Variants in RLF observed in about 807,000 individuals in gnomAD.
The protein encoded by RLF is RLF zinc finger, also known as zinc finger protein Rlf.
RLF carries 7 observed loss-of-function variants against 162.9 expected under a neutral mutation model. The ratio of observed to expected loss-of-function variants is 0.04; its 90% CI spans 0.02 to 0.08. RLF has a LOEUF of 0.08. Among genes scored for constraint, RLF ranks in the 10% least tolerant of loss-of-function variants. RLF has a pLI of 1.00. For missense variants in RLF, 1,664 were observed against 2,244.7 expected (o/e 0.74, Z 5.23); for synonymous variants, 782 against 791.5 (o/e 0.99, Z 0.20).
At chr1:40,177,476 G>A (rs1013150912) in intron 1 of RLF, among the ~76,000 whole-genome samples, 2 of 151,676 alleles carry the variant, frequency 1.3e-5, no homozygotes, top group African/African-American at 4.8e-5. Context: ...TGTATTTTTA[G>A]TAGAGACGGG....
rs572741463 is a variant in RLF, at chr1:40,213,833, A to G, written c.811-8741A>G. 7.2e-5 allele frequency among the ~76,000 whole-genome samples: 11 copies of G among 152,400 alleles called. No individual in the cohort carries two copies. The South Asian group carries it at 2.3e-3, about 32-fold the overall frequency. ...ACCACTATTCTAGAGAAAGGTAATG[A>G]TAAAATATTAATGGCACTGGCCGGA... On this transcript the variant is annotated intron_variant, in intron 5 of 7. Transcript: ENST00000372771.
intron 5 of RLF, among the ~76,000 whole-genome samples, chr1:40,204,377 A>C (rs1047545852): frequency 6.6e-6 from 1 of 151,494 alleles, no homozygotes; most frequent in African/African-American, 2.4e-5. Context: ...CTAAATCTTC[A>C]CCTACTCTAT....
intron 3 of RLF, among the ~76,000 whole-genome samples, chr1:40,193,932 G>C (rs1212532911): frequency 1.3e-5 from 2 of 152,086 alleles, no homozygotes; most frequent in Non-Finnish European, 2.9e-5. Flanking sequence ...GTAAATGGAA[G>C]CTTATGTTCC....
chr1:40,182,319 A>G (rs939017105), intron 1 of RLF, among the ~76,000 whole-genome samples: 6 of 152,176 alleles, frequency 3.9e-5, no homozygotes, highest in Non-Finnish European at 1.5e-5. Context: ...CTGTAATCCC[A>G]GCTACTTAGG....
chr1:40,225,928 T>C (rs2124556424), intron 6 of RLF, among the ~76,000 whole-genome samples: 1 of 131,176 alleles, frequency 7.6e-6, no homozygotes, highest in Middle Eastern at 4.1e-3. Flanking sequence ...GGTACGCACC[T>C]ATAATCCCAG....
In RLF at chr1:40,239,266, A is replaced by C; in HGVS notation, c.4564A>C (p.Lys1522Gln). 6.2e-7 allele frequency: 1 copy of C among 1,614,152 alleles called. No individual in the cohort carries two copies. Among genetic ancestry groups the C allele is most frequent in the Non-Finnish European group, 8.5e-7 (1 of 1,180,020 alleles). ...NAKSKKCGLI[K>Q]EKKAPISFKT... Reference sequence around the variant, plus strand: ...TAAGTCTAAAAAATGTGGCTTAATCAAAGAAAAGAAAGCCCCAATAAGTTT... The same window carrying C: ...TAAGTCTAAAAAATGTGGCTTAATCCAAGAAAAGAAAGCCCCAATAAGTTT... Residue 1522 changes from lysine to glutamine, a missense_variant, in exon 8 of 8, where the codon AAA becomes CAA. Physicochemically the swap from Lys to Gln is moderately conservative, Grantham distance 53. This residue lies in a region of RLF where 200 missense variants were observed against 207.3 expected (regional missense o/e 0.96). Coordinates refer to ENST00000372771, the MANE Select transcript of RLF (RefSeq NM_012421.4).
Position 40,161,775 on chromosome 1 carries a change from C to T in RLF, c.237+139C>T, listed in dbSNP as rs1642088823. On this transcript the variant is annotated intron_variant, in intron 1 of 7. Coordinates refer to ENST00000372771, the MANE Select transcript of RLF (RefSeq NM_012421.4). This position sits in a 1 kb window ranked among gnomAD's most constrained non-coding sequence, Gnocchi z 4.4. ...GCCGCGCCCCCGGGCCGGGAAGGCC[C>T]AGCTCGGAAGCTCGACCGCTGGCCC... The T allele has an allele frequency of 2.4e-6, 3 of 1,273,084 alleles. No homozygotes were observed. Among genetic ancestry groups the T allele is most frequent in the Non-Finnish European group, 3.2e-6 (3 of 944,206 alleles). The allele number at this position is 1,273,084 out of a possible 1,614,324, so 78.9% of individuals were successfully genotyped here. A position where few individuals can be genotyped will look rare whatever the true frequency, so the allele number is the denominator to read the frequency against.
chr1:40,183,465 G>T (rs1324211017), intron 1 of RLF, among the ~76,000 whole-genome samples: 1 of 152,140 alleles, frequency 6.6e-6, no homozygotes, highest in East Asian at 1.9e-4. Flanking sequence ...TTCCCCAGAA[G>T]CATTCACTTT....
At chr1:40,186,140 A>G (rs1288528311) in intron 1 of RLF, among the ~76,000 whole-genome samples, 2 of 150,398 alleles carry the variant, frequency 1.3e-5, no homozygotes, top group Non-Finnish European at 2.9e-5. Context: ...CCTGGGTGAC[A>G]GAGTGAGACT....
Position 40,240,590 on chromosome 1 carries a change from G to A in RLF, c.*143G>A. On this transcript the variant is annotated 3_prime_UTR_variant, in exon 8 of 8. Transcript: ENST00000372771. ...ATTTACATGAATGTATAATATCTAT[G>A]TCAGCAGTATTGGCTGAGTCCATTA... 3.2e-6 allele frequency: 2 copies of A among 631,120 alleles called. No homozygotes were observed. The highest frequency in any genetic ancestry group is 6.0e-5 in the Admixed American group (2 of 33,152). The allele number at this position is 631,120 out of a possible 1,614,324, so 39.1% of individuals were successfully genotyped here.
chr1:40,170,778 G>A (rs2124524887), intron 1 of RLF, among the ~76,000 whole-genome samples: 1 of 152,272 alleles, frequency 6.6e-6, no homozygotes, highest in East Asian at 1.9e-4. Context: ...ATAATTTGGG[G>A]AAAGTAGAGA....
intron 6 of RLF, among the ~76,000 whole-genome samples, chr1:40,228,689 G>A (rs915107685): frequency 2.6e-5 from 4 of 151,482 alleles, no homozygotes; most frequent in African/African-American, 2.4e-5. Context: ...TGGCAAAATC[G>A]AAGCTCGCTG....
Position 40,236,878 on chromosome 1 carries a change from G to C in RLF, c.2176G>C (p.Ala726Pro), listed in dbSNP as rs1283232022. ...TTACTGTCGACGACATTTTATGTCTGCTTTTCACCTTCGAGAGCACGAACA... is the reference window on the plus strand; with the variant it reads ...TTACTGTCGACGACATTTTATGTCTCCTTTTCACCTTCGAGAGCACGAACA... ...CTYCRRHFMS[A>P]FHLREHEQVH... Residue 726 changes from alanine (A) to proline (P), a missense_variant, in exon 8 of 8, where the codon GCT (alanine) becomes CCT (proline). By Grantham distance (27) the Ala-to-Pro change is conservative. Coordinates refer to ENST00000372771, the MANE Select transcript of RLF (RefSeq NM_012421.4). This position sits in a 1 kb window ranked among gnomAD's most constrained non-coding sequence, Gnocchi z 7.7. 2.5e-6 allele frequency: 4 copies of C among 1,614,036 alleles called. No individual in the cohort carries two copies. The African/African-American group carries it at 5.3e-5, about 22-fold the overall frequency.
chr1:40,161,492 G>C lies in RLF; in HGVS notation c.93G>C (p.Glu31Asp), dbSNP rs1259536558. Reference protein sequence around the residue: ...VAGAGDGVETESMVRGHRPVS... With the variant: ...VAGAGDGVETDSMVRGHRPVS... ...GAGCCGGAGATGGAGTCGAGACTGA[G>C]TCCATGGTTCGGGGTCATCGCCCCG... Residue 31 changes from glutamate to aspartate, a missense_variant, in exon 1 of 8, where the codon GAG becomes GAC. By Grantham distance (45) the Glu-to-Asp change is conservative. Coordinates refer to ENST00000372771, the MANE Select transcript of RLF (RefSeq NM_012421.4). This position sits in a 1 kb window ranked among gnomAD's most constrained non-coding sequence, Gnocchi z 4.4. The C allele has an allele frequency of 2.4e-5, 39 of 1,600,846 alleles. No individual in the cohort carries two copies. The highest frequency in any genetic ancestry group is 3.3e-5 in the Non-Finnish European group (39 of 1,174,654).
chr1:40,227,781 G>T (rs952327468), intron 6 of RLF, among the ~76,000 whole-genome samples: 10 of 152,120 alleles, frequency 6.6e-5, no homozygotes, highest in Non-Finnish European at 8.8e-5. Context: ...AGGGCAGGTG[G>T]ATCATGAGTT....
In RLF at chr1:40,161,726, T is replaced by G; in HGVS notation, c.237+90T>G. The stretch of plus-strand genomic sequence containing the variant: ...CCTCTGTAAGCAGCCGGGTCCAAAC[T>G]GAAAGGCGCCACCTCCGTGACTCGC... On this transcript the variant is annotated intron_variant, in intron 1 of 7. Transcript: ENST00000372771. The surrounding 1 kb of genome is among the most constrained non-coding windows in gnomAD (Gnocchi z 4.4). 6.6e-7 allele frequency: 1 copy of G among 1,508,442 alleles called. No homozygotes were observed. The highest frequency in any genetic ancestry group is 8.8e-7 in the Non-Finnish European group (1 of 1,137,356). The allele number at this position is 1,508,442 out of a possible 1,614,324, so 93.4% of individuals were successfully genotyped here. A position where few individuals can be genotyped will look rare whatever the true frequency, so the allele number is the denominator to read the frequency against.
chr1:40,165,197 C>G (rs2124521859), intron 1 of RLF, among the ~76,000 whole-genome samples: 1 of 152,316 alleles, frequency 6.6e-6, no homozygotes, highest in East Asian at 1.9e-4. Context: ...TTGGTCTCAG[C>G]ATGCTTTTCA....
At chr1:40,216,246 G>C (rs1276995919) in intron 5 of RLF, among the ~76,000 whole-genome samples, 1 of 152,150 alleles carries the variant, frequency 6.6e-6, no homozygotes, top group Non-Finnish European at 1.5e-5. Flanking sequence ...GCTTTGGGAG[G>C]CCAAGGCGGA....
At position 40,227,110 on chromosome 1, in the gene RLF, C is replaced by A. The variant is rs1312927241; in HGVS notation, c.947+4400C>A. Among the ~76,000 whole-genome samples the A allele has an allele frequency of 3.3e-5, 5 of 152,174 alleles. 1 individual carries two copies. The South Asian group carries it at 6.2e-4, about 19-fold the overall frequency. On this transcript the variant is annotated intron_variant, in intron 6 of 7. Transcript: ENST00000372771. ...GAGCTCCTGACCTCAGGTGAGCCACCACACTGGCCAAAACACAGAGTAATT... is the reference window on the plus strand; with the variant it reads ...GAGCTCCTGACCTCAGGTGAGCCACAACACTGGCCAAAACACAGAGTAATT...
Sources: gnomAD v4.1 joint callset for allele counts (sites outside exome capture counted in the v4.1 genomes callset) on GRCh38, gnomAD v4.1.1 for gene constraint, gnomAD v4.1.1 regional missense constraint, Gnocchi (gnomAD v3.1) non-coding constraint, MANE v1.5 for transcripts, NCBI Gene and HGNC (gene_info 2026-07-23, HGNC 2026-07-21) for gene names.